VDAC1: variants seen among roughly 807,000 people sequenced by gnomAD.
The protein encoded by VDAC1 is non-selective voltage-gated ion channel VDAC1.
A neutral mutation model predicts 34.7 loss-of-function variants in VDAC1; 10 were observed. The observed-to-expected ratio is 0.29, with a 90% CI of 0.18 to 0.49. VDAC1 has a LOEUF of 0.49. Among genes scored for constraint, VDAC1 ranks in the 20% least tolerant of loss-of-function variants. VDAC1 has a pLI of 0.99. For missense variants in VDAC1, 230 were observed against 347.9 expected (o/e 0.66, Z 2.69); for synonymous variants, 130 against 136.0 (o/e 0.96, Z 0.30).
intron 7 of VDAC1, among the ~76,000 whole-genome samples, chr5:133,974,104 GC>G (rs1752392718): frequency 6.6e-6 from 1 of 152,166 alleles, no homozygotes; most frequent in African/African-American, 2.4e-5. Flanking sequence ...CCTCTTAGGG[GC>G]CAGTGTCCTT....
At chr5:134,095,393 T>C in the VDAC1 span, among the ~76,000 whole-genome samples, 1 of 151,546 alleles carries the variant, frequency 6.6e-6, no homozygotes. Flanking sequence ...TGAGGTGGGG[T>C]GATTGCTTGA....
upstream of VDAC1, among the ~76,000 whole-genome samples, chr5:134,006,762 A>G (rs1333382244): frequency 7.7e-6 from 1 of 129,334 alleles, no homozygotes; most frequent in Admixed American, 7.7e-5. Context: ...AAAAAAAAAC[A>G]AAAAAAAACA....
the VDAC1 span, among the ~76,000 whole-genome samples, chr5:134,112,506 T>G: frequency 1.3e-5 from 2 of 152,066 alleles, no homozygotes; most frequent in Non-Finnish European, 2.9e-5. Flanking sequence ...TCACCCACCC[T>G]CTCCTCTGGT....
At chr5:134,114,292 A>C in the VDAC1 span, among the ~76,000 whole-genome samples, 1 of 152,086 alleles carries the variant, frequency 6.6e-6, no homozygotes, top group East Asian at 1.9e-4. Flanking sequence ...GGAAGCCCCC[A>C]GTTCAAAGCA....
At chr5:134,006,924 T>C (rs558566368), upstream of VDAC1, among the ~76,000 whole-genome samples, 5 of 151,714 alleles carry the variant, frequency 3.3e-5, no homozygotes, top group East Asian at 9.7e-4. Context: ...AGAGTGTTGG[T>C]GTAAGTTTAA....
At chr5:133,974,966 C>A (rs56070438) in intron 7 of VDAC1, among the ~76,000 whole-genome samples, 15,504 of 98,348 alleles carry the variant, frequency 0.16, 924 homozygotes, top group South Asian at 0.31. Flanking sequence ...AAAAAAAAAA[C>A]AAACAAACAG....
At chr5:134,030,545 C>T in the VDAC1 span, among the ~76,000 whole-genome samples, 1 of 151,970 alleles carries the variant, frequency 6.6e-6, no homozygotes, top group Admixed American at 6.6e-5. Flanking sequence ...AAGCTCAGAC[C>T]AGCAGGTTTC....
the VDAC1 span, among the ~76,000 whole-genome samples, chr5:134,052,543 A>G: frequency 2.0e-5 from 3 of 152,086 alleles, no homozygotes; most frequent in African/African-American, 7.2e-5. Context: ...TGATCCTCCC[A>G]AAGTGCTGGG....
chr5:134,088,957 G>C, the VDAC1 span, among the ~76,000 whole-genome samples: 2 of 152,246 alleles, frequency 1.3e-5, no homozygotes, highest in African/African-American at 4.8e-5. Flanking sequence ...CATCCACGCT[G>C]TTGCATGCAG....
chr5:134,076,795 G>A, the VDAC1 span, among the ~76,000 whole-genome samples: 2 of 152,166 alleles, frequency 1.3e-5, no homozygotes, highest in Admixed American at 6.5e-5. Context: ...GAAGAGGCAG[G>A]AGAGACAACC....
At chr5:134,031,553 A>G in the VDAC1 span, among the ~76,000 whole-genome samples, 1 of 152,190 alleles carries the variant, frequency 6.6e-6, no homozygotes, top group South Asian at 2.1e-4. Flanking sequence ...TGGGCCGGGT[A>G]CAGTGGCTCA....
chr5:134,104,618 C>G, the VDAC1 span, among the ~76,000 whole-genome samples: 1 of 152,198 alleles, frequency 6.6e-6, no homozygotes, highest in African/African-American at 2.4e-5. Flanking sequence ...CCCCACCTAC[C>G]TCCTGCTTCA....
chr5:134,033,461 G>T, the VDAC1 span, among the ~76,000 whole-genome samples: 1 of 151,720 alleles, frequency 6.6e-6, no homozygotes, highest in African/African-American at 2.4e-5. Context: ...CGGCCACGGA[G>T]AAGCTAAATA....
chr5:134,103,246 C>T, the VDAC1 span, among the ~76,000 whole-genome samples: 5 of 152,150 alleles, frequency 3.3e-5, no homozygotes, highest in East Asian at 1.9e-4. Context: ...CTCAGCCTCC[C>T]GAGTAGCTGG....
chr5:133,981,119 A>G, intron 5 of VDAC1, 163 bp from the exon 6 acceptor site: 2 of 614,644 alleles, frequency 3.3e-6, no homozygotes, highest in Non-Finnish European at 5.8e-6. Flanking sequence ...AATGAGCAGG[A>G]CACAACCTCT....
At chr5:133,981,958 G>A (rs902741964) in intron 5 of VDAC1, among the ~76,000 whole-genome samples, 3 of 152,162 alleles carry the variant, frequency 2.0e-5, no homozygotes, top group Admixed American at 2.0e-4. Context: ...TTCATCCTCA[G>A]CACCTAGACC....
At chr5:134,012,403 A>G in the VDAC1 span, among the ~76,000 whole-genome samples, 1 of 152,234 alleles carries the variant, frequency 6.6e-6, no homozygotes. Flanking sequence ...AATTCTAGAA[A>G]TGATTTATTA....
At chr5:134,028,432 C>T in the VDAC1 span, among the ~76,000 whole-genome samples, 1 of 152,162 alleles carries the variant, frequency 6.6e-6, no homozygotes, top group Non-Finnish European at 1.5e-5. Context: ...TGCACCCTGC[C>T]CTGAGTGTGT....
chr5:134,032,144 A>AAAAAC, the VDAC1 span, among the ~76,000 whole-genome samples: 1 of 146,358 alleles, frequency 6.8e-6, no homozygotes, highest in South Asian at 2.4e-4. Context: ...AAAAAAAAAA[A>AAAAAC]GCTACTCTGC....
Sources: allele counts gnomAD v4.1 joint callset (sites outside exome capture counted in the v4.1 genomes callset), GRCh38; gene constraint gnomAD v4.1.1; transcripts MANE v1.5; gene names NCBI Gene and HGNC (gene_info 2026-07-23, HGNC 2026-07-21).